PLEKHA7: variants seen among roughly 807,000 people sequenced by gnomAD.
The protein encoded by PLEKHA7 is pleckstrin homology domain containing A7, also known as pleckstrin homology domain-containing family A member 7.
Under a neutral mutation model 170.0 loss-of-function variants are expected in PLEKHA7, and 104 were observed. The observed-to-expected ratio is 0.61, with a 90% CI of 0.52 to 0.72. The LOEUF is 0.72. Ranked by LOEUF, PLEKHA7 falls within the 30% of genes least tolerant of loss-of-function variation. The probability of loss-of-function intolerance (pLI) is 0.00; values close to 1 mark genes in which losing one functional copy is unlikely to be tolerated. For missense variants in PLEKHA7, 1,615 were observed against 1,671.7 expected (o/e 0.97, Z 0.59); for synonymous variants, 648 against 660.8 (o/e 0.98, Z 0.30).
intron 3 of PLEKHA7, among the ~76,000 whole-genome samples, chr11:17,009,510 TTAC>T (rs1446985096): frequency 6.6e-6 from 1 of 152,200 alleles, no homozygotes; most frequent in African/African-American, 2.4e-5. Flanking sequence ...TATATAATTA[TTAC>T]TACTATTATT....
At chr11:16,951,469 T>A (rs935925615) in intron 3 of PLEKHA7, among the ~76,000 whole-genome samples, 2 of 152,192 alleles carry the variant, frequency 1.3e-5, no homozygotes, top group African/African-American at 4.8e-5. Flanking sequence ...TCTCACTGAA[T>A]CCTTATCTTA....
intron 3 of PLEKHA7, among the ~76,000 whole-genome samples, chr11:16,881,960 G>C (rs1165433551): frequency 6.6e-6 from 1 of 152,190 alleles, no homozygotes. Flanking sequence ...CTGAAAACGA[G>C]AAGGGCAGAG....
intron 10 of PLEKHA7, among the ~76,000 whole-genome samples, chr11:16,825,163 A>G (rs763636286): frequency 3.9e-5 from 6 of 152,264 alleles, no homozygotes; most frequent in Non-Finnish European, 7.3e-5. Flanking sequence ...AAGAGGTTAC[A>G]GCAACGTACA....
At chr11:16,960,395 C>A (rs945727311) in intron 3 of PLEKHA7, among the ~76,000 whole-genome samples, 1 of 152,176 alleles carries the variant, frequency 6.6e-6, no homozygotes, top group Admixed American at 6.5e-5. Flanking sequence ...ATTCCAAATT[C>A]TCCCTGTATT....
chr11:16,801,533 T>C, intron 16 of PLEKHA7, 135 bp downstream of exon 16: 3 of 1,116,626 alleles, frequency 2.7e-6, no homozygotes, highest in Non-Finnish European at 3.8e-6. Context: ...AGGTGGCAGT[T>C]CTGCTACTGG....
intron 3 of PLEKHA7, among the ~76,000 whole-genome samples, chr11:16,957,470 A>G (rs1365090969): frequency 1.3e-5 from 2 of 152,230 alleles, no homozygotes; most frequent in Non-Finnish European, 2.9e-5. Flanking sequence ...TCCAGAGCAG[A>G]TAAGTCTACA....
At chr11:17,006,881 C>T (rs1002676095) in intron 3 of PLEKHA7, among the ~76,000 whole-genome samples, 2 of 152,214 alleles carry the variant, frequency 1.3e-5, no homozygotes, top group African/African-American at 4.8e-5. Flanking sequence ...AAATCCCCAA[C>T]TGAACATCTG....
chr11:16,887,572 T>G (rs988701248), intron 3 of PLEKHA7, among the ~76,000 whole-genome samples: 24 of 152,198 alleles, frequency 1.6e-4, no homozygotes, highest in Admixed American at 2.6e-4. Flanking sequence ...TTTCGTATTT[T>G]TTTGGTGGAG....
chr11:16,939,521 G>C (rs765295391), intron 3 of PLEKHA7, among the ~76,000 whole-genome samples: 1 of 152,132 alleles, frequency 6.6e-6, no homozygotes, highest in Non-Finnish European at 1.5e-5. Context: ...AAAAATTTAC[G>C]TATTTAGTTT....
intron 3 of PLEKHA7, among the ~76,000 whole-genome samples, chr11:16,912,486 C>G (rs1858323704): frequency 6.6e-6 from 1 of 152,204 alleles, no homozygotes; most frequent in Non-Finnish European, 1.5e-5. Context: ...AGCTGAAGAG[C>G]AGAGAACTAG....
chr11:16,976,138 A>C (rs2136780423), intron 3 of PLEKHA7, among the ~76,000 whole-genome samples: 1 of 152,376 alleles, frequency 6.6e-6, no homozygotes, highest in South Asian at 2.1e-4. Flanking sequence ...GCTCAAAAAG[A>C]AAGCCCCTGG....
chr11:16,783,387 C>T (rs774314854), intron 25 of PLEKHA7, among the ~76,000 whole-genome samples: 9 of 152,214 alleles, frequency 5.9e-5, no homozygotes, highest in African/African-American at 1.4e-4. Flanking sequence ...TGATCTCCAA[C>T]GGGGTCCACT....
chr11:16,871,911 C>T (rs981749905), intron 3 of PLEKHA7, among the ~76,000 whole-genome samples: 8 of 151,888 alleles, frequency 5.3e-5, no homozygotes, highest in African/African-American at 1.9e-4. Context: ...AACTAACCCT[C>T]CTCTTTTAAA....
chr11:16,912,059 A>G (rs1858288156), intron 3 of PLEKHA7, among the ~76,000 whole-genome samples: 2 of 152,166 alleles, frequency 1.3e-5, no homozygotes, highest in African/African-American at 2.4e-5. Flanking sequence ...TTCTGCTTCC[A>G]AAAAGGATGT....
At chr11:16,860,325 A>G (rs577506428) in intron 4 of PLEKHA7, among the ~76,000 whole-genome samples, 1 of 151,960 alleles carries the variant, frequency 6.6e-6, no homozygotes, top group Non-Finnish European at 1.5e-5. Context: ...TACAGAAGCT[A>G]TTTTTTTTCT....
chr11:16,781,138 G>A, intron 26 of PLEKHA7: 2 of 489,572 alleles, frequency 4.1e-6, no homozygotes, highest in Non-Finnish European at 5.3e-6. Context: ...GCAGGCTGGG[G>A]TGGCATGGGC....
At chr11:16,830,356 G>A (rs1251960457) in intron 9 of PLEKHA7, among the ~76,000 whole-genome samples, 1 of 152,156 alleles carries the variant, frequency 6.6e-6, no homozygotes, top group African/African-American at 2.4e-5. Context: ...CGGAGATGAT[G>A]AAGGCTCCAG....
intron 3 of PLEKHA7, among the ~76,000 whole-genome samples, chr11:16,999,533 CCCCAGGAACCTGGCTT>C (rs1864541915): frequency 6.6e-6 from 1 of 152,062 alleles, no homozygotes; most frequent in Admixed American, 6.6e-5. Flanking sequence ...ACCAGAGGCT[CCCCAGGAACCTGGCTT>C]CCCAGGCTCC....
At chr11:16,877,230 CA>C (rs1232499997) in intron 3 of PLEKHA7, among the ~76,000 whole-genome samples, 3 of 149,322 alleles carry the variant, frequency 2.0e-5, no homozygotes, top group Non-Finnish European at 4.5e-5. Context: ...GCACTGCCCC[CA>C]GGCTTGTAAA....
Sources: allele counts gnomAD v4.1 joint callset (sites outside exome capture counted in the v4.1 genomes callset), GRCh38; gene constraint gnomAD v4.1.1; transcripts MANE v1.5; gene names NCBI Gene and HGNC (gene_info 2026-07-23, HGNC 2026-07-21).